The following RGS20 variants were observed in gnomAD, a reference collection of about 807,000 sequenced individuals.
RGS20 encodes the protein regulator of G protein signaling 20, also known as gz-selective GTPase-activating protein.
RGS20 carries 30 observed loss-of-function variants against 33.6 expected under a neutral mutation model. The ratio of observed to expected loss-of-function variants is 0.89; its 90% confidence interval spans 0.67 to 1.21. RGS20 has a LOEUF of 1.21. RGS20 is among the 50% of genes most tolerant of loss of function. The pLI, the probability that RGS20 is intolerant of heterozygous loss-of-function variation, is 0.00. For missense variants in RGS20, 472 were observed against 502.4 expected (o/e 0.94, Z 0.58); for synonymous variants, 208 against 197.9 (o/e 1.05, Z -0.43).
rs762027274 is a variant in RGS20 at position 53,885,560 on chromosome 8, C to G, written c.510+5958C>G. On this transcript the variant is annotated intron_variant, in intron 2 of 5. Transcript: ENST00000297313. The stretch of plus-strand genomic sequence containing the variant: ...ACCTGGGAGGCGGGGCTTGCAGTGA[C>G]CCGAGATTGCGCCACTGCACTCCAG... Among the ~76,000 whole-genome samples the G allele has an allele frequency of 2.2e-4, 34 of 152,106 alleles. No individual in the cohort carries two copies. The South Asian group carries it at 5.2e-3, about 23-fold the overall frequency.
At chr8:53,880,981 C>G (rs201935579) in intron 2 of RGS20, 17 of 1,589,450 alleles carry the variant, frequency 1.1e-5, no homozygotes, top group Admixed American at 8.6e-5. Context: ...GGCAGCCCTC[C>G]GCGCTGCAAT....
chr8:53,921,885 A>T (rs1440417414), intron 2 of RGS20, among the ~76,000 whole-genome samples: 2 of 151,850 alleles, frequency 1.3e-5, no homozygotes, highest in Admixed American at 1.3e-4. Flanking sequence ...TATAATAATG[A>T]TTTTAAATCT....
At chr8:53,897,571 A>G (rs1378060396) in intron 2 of RGS20, among the ~76,000 whole-genome samples, 2 of 152,264 alleles carry the variant, frequency 1.3e-5, no homozygotes, top group African/African-American at 2.4e-5. Flanking sequence ...CAAAATTAAC[A>G]GTAAGCAATT....
At chr8:53,943,089 A>G (rs953750088) in intron 3 of RGS20, among the ~76,000 whole-genome samples, 2 of 152,220 alleles carry the variant, frequency 1.3e-5, no homozygotes, top group African/African-American at 4.8e-5. Flanking sequence ...AAATATGTTT[A>G]TGAATATAAT....
At chr8:53,958,200 A>C in intron 5 of RGS20, 70 bp from the exon 5 acceptor site, 1 of 1,118,248 alleles carries the variant, frequency 8.9e-7, no homozygotes, top group South Asian at 2.0e-5. Flanking sequence ...AATCCCCACA[A>C]GCTCTAGGAG....
intron 2 of RGS20, among the ~76,000 whole-genome samples, chr8:53,909,117 G>A (rs1412961159): frequency 2.0e-5 from 3 of 148,102 alleles, no homozygotes; most frequent in Admixed American, 1.4e-4. Context: ...TTGACACAGA[G>A]AAGTTGGGGT....
intron 1 of RGS20, among the ~76,000 whole-genome samples, chr8:53,873,068 T>C (rs1812115983): frequency 2.0e-5 from 3 of 152,104 alleles, no homozygotes; most frequent in African/African-American, 7.2e-5. Flanking sequence ...GTCCTCATGA[T>C]AGTAAGTGAG....
intron 2 of RGS20, among the ~76,000 whole-genome samples, chr8:53,931,628 C>T (rs1480417870): frequency 2.0e-5 from 3 of 152,146 alleles, no homozygotes. Context: ...TGAATAGGAA[C>T]AGCTCCGGTC....
chr8:53,874,323 G>A (rs1475301534), intron 1 of RGS20, among the ~76,000 whole-genome samples: 1 of 152,066 alleles, frequency 6.6e-6, no homozygotes, highest in Admixed American at 6.6e-5. Context: ...TCAGTGAAAG[G>A]TGTGCATTAG....
At position 53,893,146 on chromosome 8, in the gene RGS20, G is replaced by T. The variant is rs1812762402; in HGVS notation, c.510+13544G>T. ...CAATATTAAAAAATATTAAGAAAAG[G>T]CTAACAGTATTTTCTGGAAAGAATA... On this transcript the variant is annotated intron_variant, in intron 2 of 5. Coordinates refer to ENST00000297313, the MANE Select transcript of RGS20 (RefSeq NM_170587.4). 3.3e-5 allele frequency among the ~76,000 whole-genome samples: 5 copies of T among 152,136 alleles called. No homozygotes were observed. The South Asian group carries it at 1.0e-3, about 32-fold the overall frequency.
At chr8:53,873,309 A>G (rs1812120508) in intron 1 of RGS20, among the ~76,000 whole-genome samples, 2 of 152,202 alleles carry the variant, frequency 1.3e-5, no homozygotes, top group South Asian at 4.1e-4. Flanking sequence ...ACCCAGTCTC[A>G]GGTATTTCTT....
chr8:53,930,600 C>T (rs1298651854), intron 2 of RGS20, among the ~76,000 whole-genome samples: 1 of 152,264 alleles, frequency 6.6e-6, no homozygotes, highest in African/African-American at 2.4e-5. Flanking sequence ...GGCTGGAGTG[C>T]AGTGGCACGA....
chr8:53,953,965 T>G (rs546072154), intron 4 of RGS20, 111 bp from the exon 4 acceptor site: 108 of 802,262 alleles, frequency 1.3e-4, no homozygotes, highest in Non-Finnish European at 2.1e-4. Context: ...AGGGCCTAAA[T>G]GCATATATTT....
chr8:53,879,736 G>A lies in RGS20; in HGVS notation c.510+134G>A, dbSNP rs887975404. On this transcript the variant is annotated intron_variant, in intron 2 of 5. Transcript: ENST00000297313. ...GGAGGGTGGCAAGGTCGGGAAGGCCGGGACGTGGCTGGGCAAGTCCTAGGA... is the reference window on the plus strand; with the variant it reads ...GGAGGGTGGCAAGGTCGGGAAGGCCAGGACGTGGCTGGGCAAGTCCTAGGA... 23 of 773,584 alleles carry A rather than the reference G, an allele frequency of 3.0e-5. No homozygotes were observed. In the Admixed American group the frequency reaches 4.1e-4, roughly 14 times the overall value. 47.9% of individuals were successfully genotyped at this position (773,584 alleles called of 1,614,324 possible).
intron 1 of RGS20, among the ~76,000 whole-genome samples, chr8:53,872,566 G>A (rs1657363421): frequency 1.3e-5 from 2 of 152,196 alleles, no homozygotes; most frequent in African/African-American, 2.4e-5. Context: ...GAGTAAGTGA[G>A]TGGCTTACAA....
Position 53,939,676 on chromosome 8 carries a change from G to A in RGS20, c.611G>A (p.Gly204Glu). 1 of 1,576,484 alleles carries A rather than the reference G, an allele frequency of 6.3e-7. No individual in the cohort carries two copies. Residue 204 changes from glycine (G) to glutamate (E), a missense_variant, in exon 3 of 6, where the codon GGG becomes GAG. This residue lies in a region of RGS20 where 319 missense variants were observed against 283.4 expected (regional missense o/e 1.13). Coordinates refer to ENST00000297313, the MANE Select transcript of RGS20 (RefSeq NM_170587.4). ...GGCCAGCCCGGAGCGGGGAGTCGCG[G>A]GTCCAACGCATGCTGCTTCTGCTGG...
At chr8:53,921,998 G>C (rs980226857) in intron 2 of RGS20, among the ~76,000 whole-genome samples, 3 of 152,092 alleles carry the variant, frequency 2.0e-5, no homozygotes, top group African/African-American at 7.2e-5. Context: ...GTGCTCTATA[G>C]ATGTCTGTTA....
At chr8:53,894,446 C>T (rs1314620852) in intron 2 of RGS20, among the ~76,000 whole-genome samples, 5 of 152,168 alleles carry the variant, frequency 3.3e-5, no homozygotes, top group Non-Finnish European at 7.3e-5. Flanking sequence ...GTCAGCTTAG[C>T]CCAGAGAACT....
At chr8:53,874,330 T>C (rs1425402975) in intron 1 of RGS20, among the ~76,000 whole-genome samples, 1 of 151,820 alleles carries the variant, frequency 6.6e-6, no homozygotes, top group Admixed American at 6.6e-5. Flanking sequence ...AAGGTGTGCA[T>C]TAGTCAAGGT....
Sources: gnomAD v4.1 joint callset for allele counts (sites outside exome capture counted in the v4.1 genomes callset) on GRCh38, gnomAD v4.1.1 for gene constraint, gnomAD v4.1.1 regional missense constraint, MANE v1.5 for transcripts, NCBI Gene and HGNC (gene_info 2026-07-23, HGNC 2026-07-21) for gene names.